Variants in MACROD1 observed in about 807,000 individuals in gnomAD.
The protein encoded by MACROD1 is mono-ADP ribosylhydrolase 1.
A neutral mutation model predicts 41.4 loss-of-function variants in MACROD1; 31 were observed. The ratio of observed to expected loss-of-function variants is 0.75; its 90% CI spans 0.56 to 1.01. MACROD1 has a LOEUF of 1.01. Among genes scored for constraint, MACROD1 ranks in the 50% least tolerant of loss-of-function variants. The pLI is 0.00. For missense variants in MACROD1, 473 were observed against 460.0 expected (o/e 1.03, Z -0.26); for synonymous variants, 252 against 203.4 (o/e 1.24, Z -2.03).
intron 3 of MACROD1, among the ~76,000 whole-genome samples, chr11:64,025,722 T>TC (rs1252575762): frequency 5.2e-5 from 2 of 38,752 alleles, no homozygotes; most frequent in East Asian, 5.8e-4. Flanking sequence ...CCCCCGCTCC[T>TC]TTTTTTTTTT....
At chr11:64,114,948 G>A (rs908592349) in intron 3 of MACROD1, among the ~76,000 whole-genome samples, 1 of 152,202 alleles carries the variant, frequency 6.6e-6, no homozygotes, top group African/African-American at 2.4e-5. Flanking sequence ...GAAGGACAGA[G>A]AAGACAGAAA....
intron 3 of MACROD1, among the ~76,000 whole-genome samples, chr11:64,068,377 G>A (rs957893608): frequency 9.9e-5 from 15 of 152,210 alleles, no homozygotes; most frequent in African/African-American, 3.6e-4. Flanking sequence ...CCAGCTGCCC[G>A]CATGCCCTAG....
intron 3 of MACROD1, among the ~76,000 whole-genome samples, chr11:64,030,025 G>T (rs1226669001): frequency 1.3e-5 from 2 of 152,094 alleles, no homozygotes; most frequent in Non-Finnish European, 2.9e-5. Context: ...TGGGGCTGGG[G>T]GCTGACCAGC....
At chr11:64,008,916 T>A (rs1451419128) in intron 4 of MACROD1, 1 of 151,838 alleles carries the variant, frequency 6.6e-6, no homozygotes, top group Non-Finnish European at 1.5e-5. Flanking sequence ...CAGGCCGGAG[T>A]AGAGATGGCG....
chr11:64,160,544 T>C (rs558194679), intron 1 of MACROD1, among the ~76,000 whole-genome samples: 15 of 152,150 alleles, frequency 9.9e-5, no homozygotes, highest in African/African-American at 3.4e-4. Context: ...GTGGCACACA[T>C]CTGTAATCTC....
Position 64,106,869 on chromosome 11 carries a change from T to C in MACROD1, c.517+44370A>G, listed in dbSNP as rs184354188. ...CTTCCCTCTGAAATTCCACTGGGCT[T>C]TCTTTTATTTATTTTATTTTATTTT... On this transcript the variant is annotated intron_variant, in intron 3 of 10. Coordinates refer to ENST00000255681, the MANE Select transcript of MACROD1 (RefSeq NM_014067.4). Among the ~76,000 whole-genome samples the C allele has an allele frequency of 1.6e-3, 245 of 152,236 alleles. 1 individual carries two copies. Among genetic ancestry groups the C allele is most frequent in the African/African-American group, 5.6e-3 (233 of 41,562 alleles).
chr11:64,138,770 G>A (rs934608095), intron 3 of MACROD1, among the ~76,000 whole-genome samples: 1 of 151,612 alleles, frequency 6.6e-6, no homozygotes, highest in South Asian at 2.1e-4. Flanking sequence ...CACTGATGGG[G>A]ATTTTTTTTT....
intron 3 of MACROD1, among the ~76,000 whole-genome samples, chr11:64,110,030 G>A (rs894578271): frequency 6.6e-6 from 1 of 152,052 alleles, no homozygotes. Flanking sequence ...ACTCAGGAGG[G>A]GGTACTCTGC....
At chr11:64,157,317 C>T (rs144445075) in intron 1 of MACROD1, among the ~76,000 whole-genome samples, 5 of 152,254 alleles carry the variant, frequency 3.3e-5, no homozygotes, top group Non-Finnish European at 4.4e-5. Context: ...TGGTCGTGAA[C>T]TCCTGACCTC....
At chr11:64,152,249 G>T in intron 2 of MACROD1, 43 bp downstream of exon 2, 1 of 1,560,564 alleles carries the variant, frequency 6.4e-7, no homozygotes, top group Non-Finnish European at 8.8e-7. Context: ...CAAGCCACGG[G>T]TCTGGAGCCT....
rs1253842044 is a variant in MACROD1, at chr11:64,156,917, A to G, written c.299-4524T>C. Among the ~76,000 whole-genome samples, 62 of 152,076 alleles carry G rather than the reference A, an allele frequency of 4.1e-4. 1 individual carries two copies. Among genetic ancestry groups the G allele is most frequent in the Admixed American group, 4.1e-3 (62 of 15,270 alleles). On this transcript the variant is annotated intron_variant, in intron 1 of 10. Transcript: ENST00000255681. ...GCTGTGGCCTGGCTGATCCCCAAAG[A>G]GCTACACACTGCACTGGTTTCTGAT...
intron 3 of MACROD1, among the ~76,000 whole-genome samples, chr11:64,072,911 G>T (rs1436401075): frequency 6.6e-6 from 1 of 152,184 alleles, no homozygotes; most frequent in Non-Finnish European, 1.5e-5. Context: ...TCTCAAAAGA[G>T]TCAGGTTCTC....
rs1284227248 is a variant in MACROD1, at chr11:64,090,611, C to A, written c.517+60628G>T. Among the ~76,000 whole-genome samples, 1 of 152,184 alleles carries A rather than the reference C, an allele frequency of 6.6e-6. No individual in the cohort carries two copies. Among genetic ancestry groups the A allele is most frequent in the Non-Finnish European group, 1.5e-5 (1 of 68,028 alleles). The stretch of plus-strand genomic sequence containing the variant: ...TGGAGGCTGTGGCCAGCCATCGCCG[C>A]AGGAGGGGTCCCAGCTGGAGCACTG... On this transcript the variant is annotated intron_variant, in intron 3 of 10. Coordinates refer to ENST00000255681, the MANE Select transcript of MACROD1 (RefSeq NM_014067.4). The surrounding 1 kb of genome is among the most constrained non-coding windows in gnomAD (Gnocchi z 4.7).
intron 3 of MACROD1, among the ~76,000 whole-genome samples, chr11:64,053,186 G>A (rs1256193195): frequency 6.6e-6 from 1 of 152,168 alleles, no homozygotes; most frequent in African/African-American, 2.4e-5. Context: ...TTGGGGCCCT[G>A]GGGTGGGCGT....
chr11:64,058,341 G>A lies in MACROD1; in HGVS notation c.518-43060C>T, dbSNP rs186954299. 7.6e-3 allele frequency among the ~76,000 whole-genome samples: 1,155 copies of A among 152,364 alleles called. 11 individuals are homozygous for A. The highest frequency in any genetic ancestry group is 0.026 in the African/African-American group (1,061 of 41,586). On this transcript the variant is annotated intron_variant, in intron 3 of 10. Coordinates refer to ENST00000255681, the MANE Select transcript of MACROD1 (RefSeq NM_014067.4). ...TCTCAGCCCCCATCCGAAGGCTGACGCTTAGAGGAGGCAGCCCAGGCAGGG... is the reference window on the plus strand; with the variant it reads ...TCTCAGCCCCCATCCGAAGGCTGACACTTAGAGGAGGCAGCCCAGGCAGGG...
At chr11:64,054,753 C>A (rs752756570) in intron 3 of MACROD1, among the ~76,000 whole-genome samples, 13 of 152,154 alleles carry the variant, frequency 8.5e-5, no homozygotes, top group Non-Finnish European at 1.3e-4. Flanking sequence ...GAACCCCCAC[C>A]TGGCCAGCCC....
chr11:64,117,035 G>A (rs556701976), intron 3 of MACROD1: 33 of 1,610,060 alleles, frequency 2.0e-5, no homozygotes, highest in African/African-American at 2.0e-4. Context: ...TCTCGCTGGT[G>A]CGCAATTCGC....
rs1424900241 is a variant in MACROD1, at chr11:64,000,356, C to T, written c.548-13G>A. 5 of 1,541,654 alleles carry T rather than the reference C, an allele frequency of 3.2e-6. No individual in the cohort carries two copies. In the Admixed American group the frequency reaches 7.5e-5, roughly 23 times the overall value. ...ATGCAGCCGTCCACTGCGGGAAGGG[C>T]GGGCGCGACTGAGCTGGCCTGGCAA... On this transcript the variant is annotated splice_polypyrimidine_tract_variant and intron_variant, in intron 4 of 10. Coordinates refer to ENST00000255681, the MANE Select transcript of MACROD1 (RefSeq NM_014067.4).
At position 64,165,856 on chromosome 11, in the gene MACROD1, A is replaced by G; in HGVS notation, c.139T>C (p.Phe47Leu). The change falls in exon 1 of 11, where the codon TTC (phenylalanine) becomes CTC (leucine). Residue 47 changes from phenylalanine to leucine, a missense_variant. Phe to Leu is a conservative substitution (Grantham distance 22). Coordinates refer to ENST00000255681, the MANE Select transcript of MACROD1 (RefSeq NM_014067.4). ...GCACGGCGGCCGAACACGCCCAGGAACGCCGGGGGACCGCACGTGCTGCTG... is the reference window on the plus strand; with the variant it reads ...GCACGGCGGCCGAACACGCCCAGGAGCGCCGGGGGACCGCACGTGCTGCTG... ...TRSSTCGPPA[F>L]LGVFGRRART... is the part of the protein sequence containing the mutation. 1 of 1,456,620 alleles carries G rather than the reference A, an allele frequency of 6.9e-7. No homozygotes were observed. The highest frequency in any genetic ancestry group is 9.0e-7 in the Non-Finnish European group (1 of 1,105,678). 90.2% of individuals were successfully genotyped at this position (1,456,620 alleles called of 1,614,324 possible).
Sources: allele counts gnomAD v4.1 joint callset (sites outside exome capture counted in the v4.1 genomes callset), GRCh38; gene constraint gnomAD v4.1.1; non-coding constraint Gnocchi (gnomAD v3.1); transcripts MANE v1.5; gene names NCBI Gene and HGNC (gene_info 2026-07-23, HGNC 2026-07-21).